Variants in GALNT5 observed in about 807,000 individuals in gnomAD.
GALNT5 encodes polypeptide N-acetylgalactosaminyltransferase 5.
In GALNT5, 72 loss-of-function variants were observed where a neutral mutation model predicts 85.4. That is an observed-to-expected ratio of 0.84 (90% CI 0.70 to 1.03). The LOEUF is 1.03. Ranked by LOEUF, GALNT5 falls within the 50% of genes least tolerant of loss-of-function variation. The pLI is 0.00. For synonymous variants in GALNT5, 404 were observed against 397.0 expected, an observed-to-expected ratio of 1.02 and a Z score of -0.21; for missense variants, 1,137 against 1,135.5, an observed-to-expected ratio of 1.00 and a Z score of -0.02.
chr2:157,284,524 C>A (rs955130663), intron 2 of GALNT5, 76 bp downstream of exon 2: 2 of 1,045,454 alleles, frequency 1.9e-6, no homozygotes, highest in Non-Finnish European at 2.9e-6. Context: ...GTTTGGATGG[C>A]AAAATTATAG....
chr2:157,277,586 G>A (rs1039216391), intron 1 of GALNT5, among the ~76,000 whole-genome samples: 1 of 152,096 alleles, frequency 6.6e-6, no homozygotes, highest in Non-Finnish European at 1.5e-5. Flanking sequence ...GGCCTTCTTT[G>A]TCTCTTTTGA....
chr2:157,261,123 G>C (rs1355905515), intron 1 of GALNT5, among the ~76,000 whole-genome samples: 1 of 152,302 alleles, frequency 6.6e-6, no homozygotes, highest in East Asian at 1.9e-4. Flanking sequence ...ACACATGCCA[G>C]CTTTGAACAC....
chr2:157,297,209 C>G (rs1348020927), intron 5 of GALNT5, among the ~76,000 whole-genome samples: 1 of 152,152 alleles, frequency 6.6e-6, no homozygotes, highest in East Asian at 1.9e-4. Context: ...CAACAGAAAG[C>G]CAAGCCCAGA....
rs1032966767 is a variant in GALNT5 at position 157,317,466 on chromosome 2, C to A, written c.*6118C>A. Among the ~76,000 whole-genome samples the A allele has an allele frequency of 6.6e-6, 1 of 151,816 alleles. No homozygotes were observed. Among genetic ancestry groups the A allele is most frequent in the Non-Finnish European group, 1.5e-5 (1 of 67,910 alleles). ...ACATGTCTTCTGCTTCAAACAACTA[C>A]CCCAAATTTGCTAGTTTTATACATA... On this transcript the variant is annotated 3_prime_UTR_variant, in exon 10 of 10. Coordinates refer to ENST00000259056, the MANE Select transcript of GALNT5 (RefSeq NM_014568.3).
chr2:157,271,110 A>C (rs546137771), intron 1 of GALNT5, among the ~76,000 whole-genome samples: 1 of 152,362 alleles, frequency 6.6e-6, no homozygotes, highest in East Asian at 1.9e-4. Flanking sequence ...CTCAAAAAAA[A>C]AAAAAATGTG....
At chr2:157,281,246 G>T (rs936415354) in intron 1 of GALNT5, among the ~76,000 whole-genome samples, 1 of 152,182 alleles carries the variant, frequency 6.6e-6, no homozygotes, top group East Asian at 1.9e-4. Context: ...TGTATTTTCA[G>T]TACAGACTGG....
rs1209850725 is a variant in GALNT5 at position 157,300,889 on chromosome 2, C to T, written c.2329C>T (p.Leu777Phe). ...CGACCAAGGGCTAGATGTTGGCAAC[C>T]TCACCCAGCAAAGGGAGCTGCGAAA... ...LIDQGLDVGN[L>F]TQQRELRKKL... The change falls in exon 7 of 10, where the codon CTC becomes TTC. Residue 777 changes from leucine (L) to phenylalanine (F), a missense_variant. Physicochemically the swap from Leu to Phe is conservative, Grantham distance 22 (BLOSUM62 0). Coordinates refer to ENST00000259056, the MANE Select transcript of GALNT5 (RefSeq NM_014568.3). 1.9e-6 allele frequency: 3 copies of T among 1,613,886 alleles called. No individual in the cohort carries two copies. Among genetic ancestry groups the T allele is most frequent in the Admixed American group, 3.3e-5 (2 of 60,008 alleles).
chr2:157,281,906 T>G (rs1439206416), intron 1 of GALNT5, among the ~76,000 whole-genome samples: 2 of 152,236 alleles, frequency 1.3e-5, no homozygotes, highest in African/African-American at 4.8e-5. Flanking sequence ...CATACTGATA[T>G]CTTCTTTCTG....
Position 157,275,005 on chromosome 2 carries a change from G to C in GALNT5, c.1455-9277G>C, listed in dbSNP as rs545241979. 3.3e-5 allele frequency among the ~76,000 whole-genome samples: 5 copies of C among 152,242 alleles called. No homozygotes were observed. The East Asian group carries it at 9.6e-4, about 29-fold the overall frequency. ...TTTAATCCATCTTGAATTAATTTTT[G>C]TATAAAGTGTAAGGAAGGGATCCAG... On this transcript the variant is annotated intron_variant, in intron 1 of 9. Transcript: ENST00000259056.
chr2:157,316,167 A>G lies in GALNT5; in HGVS notation c.*4819A>G, dbSNP rs1342389872. On this transcript the variant is annotated 3_prime_UTR_variant, in exon 10 of 10. Coordinates refer to ENST00000259056, the MANE Select transcript of GALNT5 (RefSeq NM_014568.3). ...CATGTCACCCACACACCTGGTGACA[A>G]GGAAAAGGGAGCAGGAATCACCATA... Among the ~76,000 whole-genome samples the G allele has an allele frequency of 1.3e-5, 2 of 152,086 alleles. No homozygotes were observed.
intron 5 of GALNT5, 45 bp from the exon 6 acceptor site, chr2:157,299,503 C>A: frequency 8.8e-7 from 1 of 1,136,542 alleles, no homozygotes; most frequent in Non-Finnish European, 1.3e-6. Flanking sequence ...AAAAGTCGAG[C>A]TTTCATGAGA....
rs1232626499 is a variant in GALNT5 at position 157,300,680 on chromosome 2, G to A, written c.2120G>A (p.Trp707Ter). The A allele has an allele frequency of 1.2e-6, 2 of 1,607,252 alleles. No individual in the cohort carries two copies. Among genetic ancestry groups the A allele is most frequent in the East Asian group, 4.5e-5 (2 of 44,824 alleles). The part of the protein sequence containing the change: ...GENMELSFKV[W>*]MCGGEIEIIP... ...CTTATCATCAAATTCTTCCAGGTGT[G>A]GATGTGTGGTGGTGAAATTGAGATC... Residue 707 changes from tryptophan (W) to a stop codon, truncating the protein, a stop_gained, in exon 7 of 10, where the codon TGG (tryptophan) becomes TAG (stop). Coordinates refer to ENST00000259056, the MANE Select transcript of GALNT5 (RefSeq NM_014568.3). LOFTEE classifies it high-confidence loss of function.
intron 7 of GALNT5, 89 bp downstream of exon 7, chr2:157,301,088 C>A: frequency 1.1e-6 from 1 of 909,192 alleles, no homozygotes; most frequent in Non-Finnish European, 1.7e-6. Context: ...TGAGTAATTA[C>A]ATTATAAATA....
chr2:157,296,003 T>C (rs1014354653), intron 4 of GALNT5, among the ~76,000 whole-genome samples: 3 of 152,220 alleles, frequency 2.0e-5, no homozygotes, highest in African/African-American at 4.8e-5. Context: ...CTACAAATTC[T>C]TAACTCTAAA....
chr2:157,287,974 T>C (rs757995678), intron 3 of GALNT5, among the ~76,000 whole-genome samples: 1 of 152,192 alleles, frequency 6.6e-6, no homozygotes, highest in African/African-American at 2.4e-5. Context: ...CTGTGCCTTA[T>C]GCAAGCTCCC....
rs1169234636 is a variant in GALNT5, at chr2:157,258,210, G to T, written c.128G>T (p.Arg43Leu). The change falls in exon 1 of 10, where the codon CGG becomes CTG. Residue 43 changes from arginine to leucine, a missense_variant. Physicochemically the swap from Arg to Leu is moderately radical, Grantham distance 102 (BLOSUM62 -2). Coordinates refer to ENST00000259056, the MANE Select transcript of GALNT5 (RefSeq NM_014568.3). ...LRLSFSEINT[R>L]VIKEDIVRRE... Reference sequence around the variant, plus strand: ...CTCTCATTCAGTGAGATCAACACTCGGGTCATCAAGGAAGACATTGTGAGG... The same window carrying T: ...CTCTCATTCAGTGAGATCAACACTCTGGTCATCAAGGAAGACATTGTGAGG... 1 of 1,613,832 alleles carries T rather than the reference G, an allele frequency of 6.2e-7. No individual in the cohort carries two copies. The highest frequency in any genetic ancestry group is 8.5e-7 in the Non-Finnish European group (1 of 1,179,950).
chr2:157,300,757 T>C lies in GALNT5; in HGVS notation c.2197T>C (p.Phe733Leu), dbSNP rs1179228871. ...ATTCAGAAATGACAATCCATATTCC[T>C]TCCCCAAAGACCGGATGAAGACAGT... ...HIFRNDNPYS[F>L]PKDRMKTVER... Residue 733 changes from phenylalanine to leucine, a missense_variant, in exon 7 of 10, where the codon TTC becomes CTC. Transcript: ENST00000259056. 2 of 1,613,954 alleles carry C rather than the reference T, an allele frequency of 1.2e-6. No homozygotes were observed. Among genetic ancestry groups the C allele is most frequent in the Non-Finnish European group, 1.7e-6 (2 of 1,179,938 alleles).
rs1426378061 is a variant in GALNT5, at chr2:157,258,733, T to C, written c.651T>C (p.Asn217=). The C allele has an allele frequency of 3.1e-6, 5 of 1,614,012 alleles. No homozygotes were observed. The highest frequency in any genetic ancestry group is 4.2e-6 in the Non-Finnish European group (5 of 1,179,996). Residue 217 remains asparagine, a synonymous_variant, in exon 1 of 10, where the codon AAT becomes AAC. Transcript: ENST00000259056. ...TSKLAAERDL[N]VTISLSTDRP... is the part of the protein sequence containing the mutation. ...AACTAGCAGCTGAAAGGGACTTGAA[T>C]GTGACCATCAGTCTTAGTACTGATA...
At chr2:157,275,969 G>T (rs1229201862) in intron 1 of GALNT5, among the ~76,000 whole-genome samples, 1 of 152,130 alleles carries the variant, frequency 6.6e-6, no homozygotes, top group African/African-American at 2.4e-5. Flanking sequence ...GTCATAAATA[G>T]CTCTTATTAT....
Sources: gnomAD v4.1 joint callset for allele counts (sites outside exome capture counted in the v4.1 genomes callset) on GRCh38, gnomAD v4.1.1 for gene constraint, MANE v1.5 for transcripts, NCBI Gene and HGNC (gene_info 2026-07-23, HGNC 2026-07-21) for gene names.